Variants in CDH18 observed in about 807,000 individuals in gnomAD.
CDH18 encodes the protein cadherin 18.
Under a neutral mutation model 67.9 loss-of-function variants are expected in CDH18, and 31 were observed. That is an observed-to-expected ratio of 0.46 (90% CI 0.34 to 0.62). The LOEUF is 0.62. CDH18 is among the 20% of genes least tolerant of loss of function. The pLI is 0.01. For missense variants in CDH18, 890 were observed against 975.5 expected (o/e 0.91, Z 1.17); for synonymous variants, 362 against 347.2 (o/e 1.04, Z -0.48).
rs61256041 is a variant in CDH18, at chr5:20,525,801, T to TACAC, written c.-580+49657_-580+49660dup. 6.4e-3 allele frequency among the ~76,000 whole-genome samples: 956 copies of TACAC among 148,930 alleles called. 9 individuals are homozygous for TACAC. The highest frequency in any genetic ancestry group is 0.017 in the African/African-American group (699 of 40,566). ...TCAATTATTTTATATGCTTCCACTA[T>TACAC]ACACACACACACACACACACACACA... is the stretch of plus-strand genomic sequence containing the variant. On this transcript the variant is annotated intron_variant, in intron 1 of 14. Transcript: ENST00000507958.
chr5:20,038,365 C>A (rs1436625847), intron 2 of CDH18, among the ~76,000 whole-genome samples: 1 of 152,136 alleles, frequency 6.6e-6, no homozygotes, highest in Non-Finnish European at 1.5e-5. Context: ...GTAGCATCAT[C>A]CTGATACCAA....
chr5:19,666,237 T>TTTTA (rs760209482), intron 5 of CDH18, among the ~76,000 whole-genome samples: 2 of 128,162 alleles, frequency 1.6e-5, no homozygotes, highest in Non-Finnish European at 1.6e-5. Flanking sequence ...CTGTATGATT[T>TTTTA]TTATTATTAT....
At chr5:19,680,706 C>T (rs1017748447) in intron 5 of CDH18, among the ~76,000 whole-genome samples, 14 of 151,908 alleles carry the variant, frequency 9.2e-5, no homozygotes, top group Admixed American at 7.9e-4. Context: ...CAAATCAAAA[C>T]CATAATGAGG....
At chr5:20,336,324 G>A (rs1353004791) in intron 1 of CDH18, among the ~76,000 whole-genome samples, 1 of 152,166 alleles carries the variant, frequency 6.6e-6, no homozygotes, top group South Asian at 2.1e-4. Context: ...CAGATAGAGA[G>A]GGAGAGTCTC....
At chr5:20,468,070 A>G (rs755855709) in intron 1 of CDH18, among the ~76,000 whole-genome samples, 1 of 151,800 alleles carries the variant, frequency 6.6e-6, no homozygotes, top group Non-Finnish European at 1.5e-5. Context: ...GCTGGAGTAC[A>G]GTGGTGCAAT....
At chr5:19,797,169 T>C (rs186590306) in intron 3 of CDH18, among the ~76,000 whole-genome samples, 4 of 152,014 alleles carry the variant, frequency 2.6e-5, no homozygotes, top group African/African-American at 9.6e-5. Context: ...ATGACACAGG[T>C]AGATTTTGAA....
intron 7 of CDH18, among the ~76,000 whole-genome samples, chr5:19,586,072 G>A (rs1744089143): frequency 6.6e-6 from 1 of 151,984 alleles, no homozygotes; most frequent in Non-Finnish European, 1.5e-5. Flanking sequence ...GGACAATTAT[G>A]GGTATATTAA....
rs1385658908 is a variant in CDH18, at chr5:19,733,529, T to A, written c.524-12063A>T. 2.0e-5 allele frequency among the ~76,000 whole-genome samples: 3 copies of A among 152,162 alleles called. No homozygotes were observed. In the East Asian group the frequency reaches 5.9e-4, roughly 30 times the overall value. On this transcript the variant is annotated intron_variant, in intron 4 of 12. Coordinates refer to ENST00000382275, the MANE Select transcript of CDH18 (RefSeq NM_004934.5). ...TTCTCTGCCTTCACTACCCTTCAAC[T>A]ATCAGTATGACCTCATTCTTCTTGG...
At chr5:20,409,901 T>C (rs1746620722) in intron 1 of CDH18, among the ~76,000 whole-genome samples, 1 of 151,242 alleles carries the variant, frequency 6.6e-6, no homozygotes. Flanking sequence ...AAGAAACATA[T>C]AAATTACTGG....
intron 2 of CDH18, among the ~76,000 whole-genome samples, chr5:20,007,328 C>T (rs535136058): frequency 8.6e-5 from 13 of 151,598 alleles, no homozygotes; most frequent in African/African-American, 2.4e-4. Flanking sequence ...TGATCTGACA[C>T]GTAGCAAAAA....
intron 4 of CDH18, among the ~76,000 whole-genome samples, chr5:19,731,175 C>T (rs1033767728): frequency 4.6e-5 from 7 of 152,120 alleles, no homozygotes; most frequent in Non-Finnish European, 7.3e-5. Context: ...TTCGGCCAGG[C>T]GCAGCGGCTT....
At chr5:20,035,944 TTTGTTTTTGTATTG>T (rs1390645313) in intron 2 of CDH18, among the ~76,000 whole-genome samples, 1 of 152,066 alleles carries the variant, frequency 6.6e-6, no homozygotes, top group Non-Finnish European at 1.5e-5. Context: ...TTTTCTCCAT[TTTGTTTTTGTATTG>T]TTGTTGTTGT....
chr5:20,017,139 T>C (rs1428591468), intron 2 of CDH18, among the ~76,000 whole-genome samples: 1 of 152,198 alleles, frequency 6.6e-6, no homozygotes, highest in African/African-American at 2.4e-5. Flanking sequence ...TCAGTTAGTA[T>C]GCTCAATATT....
At chr5:19,929,790 T>TA in intron 2 of CDH18, among the ~76,000 whole-genome samples, 1 of 152,062 alleles carries the variant, frequency 6.6e-6, no homozygotes, top group East Asian at 1.9e-4. Context: ...TTGCATTCAT[T>TA]ATAGTAAAAG....
intron 1 of CDH18, among the ~76,000 whole-genome samples, chr5:20,429,239 C>T (rs1055254060): frequency 3.3e-5 from 5 of 151,944 alleles, no homozygotes; most frequent in Admixed American, 6.6e-5. Context: ...ACTTTTCTTA[C>T]CACAAGGATT....
chr5:20,285,821 G>C (rs1300000696), intron 1 of CDH18, among the ~76,000 whole-genome samples: 1 of 151,532 alleles, frequency 6.6e-6, no homozygotes, highest in East Asian at 1.9e-4. Flanking sequence ...ATGTTGAATT[G>C]CCATGTATCA....
intron 2 of CDH18, among the ~76,000 whole-genome samples, chr5:20,212,068 A>G (rs950927407): frequency 6.6e-6 from 1 of 152,166 alleles, no homozygotes; most frequent in African/African-American, 2.4e-5. Context: ...TAGAGTAAAC[A>G]GCATAGAGAA....
chr5:20,216,682 A>T (rs1052419617), intron 2 of CDH18, among the ~76,000 whole-genome samples: 57 of 151,928 alleles, frequency 3.8e-4, no homozygotes, highest in African/African-American at 1.3e-3. Context: ...AATGCCATCA[A>T]TTCTTGCCTG....
intron 5 of CDH18, among the ~76,000 whole-genome samples, chr5:19,630,084 C>T (rs1580593252): frequency 6.6e-6 from 1 of 151,838 alleles, no homozygotes; most frequent in Non-Finnish European, 1.5e-5. Context: ...TTACAGGTGC[C>T]CTTCACCATG....
Sources: gnomAD v4.1 joint callset for allele counts (sites outside exome capture counted in the v4.1 genomes callset) on GRCh38, gnomAD v4.1.1 for gene constraint, MANE v1.5 for transcripts, NCBI Gene and HGNC (gene_info 2026-07-23, HGNC 2026-07-21) for gene names.